Variants in WNT4 observed in about 807,000 individuals in gnomAD.
WNT4 encodes Wnt family member 4, also known as protein Wnt-4.
Under a neutral mutation model 34.5 loss-of-function variants are expected in WNT4, and 16 were observed. The ratio of observed to expected loss-of-function variants is 0.46; its 90% confidence interval spans 0.31 to 0.70. The LOEUF is 0.70. Among genes scored for constraint, WNT4 ranks in the 30% least tolerant of loss-of-function variants. The pLI, the probability that WNT4 is intolerant of heterozygous loss-of-function variation, is 0.04. For synonymous variants in WNT4, 200 were observed against 211.9 expected, an observed-to-expected ratio of 0.94 and a Z score of 0.49; for missense variants, 379 against 495.9, an observed-to-expected ratio of 0.76 and a Z score of 2.24.
At chr1:22,133,643 C>T (rs1645999795) in intron 1 of WNT4, among the ~76,000 whole-genome samples, 1 of 152,258 alleles carries the variant, frequency 6.6e-6, no homozygotes, top group East Asian at 1.9e-4. Context: ...CCACGGAGTA[C>T]AGGCTTAGCA....
intron 2 of WNT4, 137 bp from the exon 3 acceptor site, chr1:22,121,713 T>C (rs1163068231): frequency 2.2e-6 from 3 of 1,373,330 alleles, no homozygotes; most frequent in Non-Finnish European, 3.0e-6. Context: ...AATCATGTGC[T>C]AGGCACCCCA....
At chr1:22,130,970 A>G (rs987358130) in intron 1 of WNT4, among the ~76,000 whole-genome samples, 2 of 152,240 alleles carry the variant, frequency 1.3e-5, no homozygotes, top group African/African-American at 4.8e-5. Context: ...TCCTCTCAGA[A>G]AGCCAACCAG....
intron 1 of WNT4, among the ~76,000 whole-genome samples, chr1:22,138,982 G>A (rs1397432670): frequency 6.6e-6 from 1 of 152,216 alleles, no homozygotes; most frequent in African/African-American, 2.4e-5. Flanking sequence ...CCCAGGGCAC[G>A]GAAAGGTGCT....
chr1:22,133,722 C>G (rs1162606691), intron 1 of WNT4, among the ~76,000 whole-genome samples: 1 of 152,238 alleles, frequency 6.6e-6, no homozygotes, highest in Non-Finnish European at 1.5e-5. Context: ...GGTTACCCCA[C>G]CAGCCCAGAC....
intron 2 of WNT4, 21 bp downstream of exon 2, chr1:22,129,595 C>T: frequency 6.2e-7 from 1 of 1,607,506 alleles, no homozygotes; most frequent in Non-Finnish European, 8.5e-7. Flanking sequence ...TCCCCTGCAG[C>T]CCCGCACGCC....
rs975066550 is a variant in WNT4, at chr1:22,130,670, A to T, written c.78-819T>A. ...CTGCTCTTTGGGCCTCAGTTTCCTC[A>T]TCTGTAGTAAGAGAAGGGAACACCG... On this transcript the variant is annotated intron_variant, in intron 1 of 4. Transcript: ENST00000290167. Among the ~76,000 whole-genome samples the T allele has an allele frequency of 2.0e-5, 3 of 152,234 alleles. No individual in the cohort carries two copies. The South Asian group carries it at 6.2e-4, about 32-fold the overall frequency.
At chr1:22,128,536 G>A (rs181623267) in intron 2 of WNT4, among the ~76,000 whole-genome samples, 81 of 152,178 alleles carry the variant, frequency 5.3e-4, no homozygotes, top group Admixed American at 1.3e-3. Flanking sequence ...CTCAGCTGAG[G>A]ACCAATCTCC....
rs754091684 is a variant in WNT4, at chr1:22,121,555, A to ACGAAGGC, written c.328_334dup (p.Val112GlyfsTer30). On this transcript the variant is annotated frameshift_variant, in exon 3 of 5. Coordinates refer to ENST00000290167, the MANE Select transcript of WNT4 (RefSeq NM_030761.5). LOFTEE classifies it high-confidence loss of function. ...CACACCTGCCGAAGAGATGGCGTAC[A>ACGAAGGC]CGAAGGCCGCCTCCCGAGTCCCTGT... 1.2e-6 allele frequency: 2 copies of ACGAAGGC among 1,613,708 alleles called. No individual in the cohort carries two copies. Among genetic ancestry groups the ACGAAGGC allele is most frequent in the Non-Finnish European group, 1.7e-6 (2 of 1,180,016 alleles).
Position 22,119,972 on chromosome 1 carries a change from T to C in WNT4, c.*78A>G, listed in dbSNP as rs1645879927. Reference sequence around the variant, plus strand: ...AAAATACAACCAGTATCTCTTGGGGTAGGTGGTGGGAGACTGTTTAAATTA... The same window carrying C: ...AAAATACAACCAGTATCTCTTGGGGCAGGTGGTGGGAGACTGTTTAAATTA... On this transcript the variant is annotated 3_prime_UTR_variant, in exon 5 of 5. Transcript: ENST00000290167. 2.6e-6 allele frequency: 4 copies of C among 1,516,706 alleles called. No homozygotes were observed. The highest frequency in any genetic ancestry group is 3.5e-5 in the Admixed American group (2 of 57,296). 94.0% of individuals were successfully genotyped at this position (1,516,706 alleles called of 1,614,324 possible). A position where few individuals can be genotyped will look rare whatever the true frequency, so the allele number is the denominator to read the frequency against.
chr1:22,133,781 G>C (rs369379732), intron 1 of WNT4, among the ~76,000 whole-genome samples: 4 of 152,194 alleles, frequency 2.6e-5, no homozygotes, highest in African/African-American at 7.2e-5. Flanking sequence ...CTTCTCCAAC[G>C]GGGGCTGCAG....
At chr1:22,126,264 G>A (rs1481531371) in intron 2 of WNT4, among the ~76,000 whole-genome samples, 3 of 152,214 alleles carry the variant, frequency 2.0e-5, no homozygotes, top group Non-Finnish European at 4.4e-5. Context: ...CTGGGGCAGT[G>A]CTGGCAGTGG....
In WNT4 at chr1:22,129,625, C is replaced by T; in HGVS notation, c.304G>A (p.Val102Met). 18 of 1,613,388 alleles carry T rather than the reference C, an allele frequency of 1.1e-5. No homozygotes were observed. The highest frequency in any genetic ancestry group is 1.5e-5 in the Non-Finnish European group (18 of 1,179,924). The change falls in exon 2 of 5, where the codon GTG becomes ATG. Residue 102 changes from valine to methionine, a missense_variant. Val to Met is a conservative substitution (Grantham distance 21, BLOSUM62 1). This residue lies in a region of WNT4 where 313 missense variants were observed against 445.8 expected (regional missense o/e 0.70). Transcript: ENST00000290167. ...LDSLPVFGKV[V>M]TQGTREAAFV... ...CACGCCCTTCCCTCACCTTGCGTCA[C>T]CACCTTGCCGAAGACGGGCAAGGAG...
chr1:22,121,191 G>T lies in WNT4; in HGVS notation c.588+20C>A, dbSNP rs201027472. The T allele has an allele frequency of 5.0e-6, 8 of 1,610,698 alleles. No homozygotes were observed. The African/African-American group carries it at 9.3e-5, about 19-fold the overall frequency. On this transcript the variant is annotated intron_variant, in intron 4 of 4. Coordinates refer to ENST00000290167, the MANE Select transcript of WNT4 (RefSeq NM_030761.5). ...ATGCTATCCCTACCCCGCTCTTGGT[G>T]GGGGGTAGTGCCACACTACCTTCCT... is the stretch of plus-strand genomic sequence containing the variant.
chr1:22,134,942 C>T lies in WNT4; in HGVS notation c.78-5091G>A, dbSNP rs764779739. ...GCCTGAGAGGTGGGACACGCTCCCCCGGGGTACAGTGGATGACCTCAGCAG... is the reference window on the plus strand; with the variant it reads ...GCCTGAGAGGTGGGACACGCTCCCCTGGGGTACAGTGGATGACCTCAGCAG... On this transcript the variant is annotated intron_variant, in intron 1 of 4. Transcript: ENST00000290167. This position sits in a 1 kb window ranked among gnomAD's most constrained non-coding sequence, Gnocchi z 4.1. Among the ~76,000 whole-genome samples, 7 of 152,162 alleles carry T rather than the reference C, an allele frequency of 4.6e-5. No homozygotes were observed. Among genetic ancestry groups the T allele is most frequent in the East Asian group, 1.9e-4 (1 of 5,194 alleles).
rs1646080988 is a variant in WNT4, at chr1:22,142,758, C to CCCGCTGCCCCGCGCCGCCTGGCACCGG, written c.77+61_77+87dup. ...GAGACACCTGCCGGGCTGCCCCGCG[C>CCCGCTGCCCCGCGCCGCCTGGCACCGG]CCGCTGCCCCGCGCCGCCTGGCACC... On this transcript the variant is annotated intron_variant, in intron 1 of 4. Transcript: ENST00000290167. This position sits in a 1 kb window ranked among gnomAD's most constrained non-coding sequence, Gnocchi z 6.0. 2.7e-5 allele frequency: 24 copies of CCCGCTGCCCCGCGCCGCCTGGCACCGG among 903,120 alleles called. No individual in the cohort carries two copies. The highest frequency in any genetic ancestry group is 9.1e-5 in the African/African-American group (5 of 55,038). 55.9% of individuals were successfully genotyped at this position (903,120 alleles called of 1,614,324 possible).
At chr1:22,128,731 T>C (rs1266983859) in intron 2 of WNT4, among the ~76,000 whole-genome samples, 1 of 151,912 alleles carries the variant, frequency 6.6e-6, no homozygotes, top group African/African-American at 2.4e-5. Context: ...TTTTCTTTTT[T>C]TTTTTTGAGA....
At chr1:22,122,869 C>T (rs1425539408) in intron 2 of WNT4, among the ~76,000 whole-genome samples, 1 of 152,190 alleles carries the variant, frequency 6.6e-6, no homozygotes, top group Admixed American at 6.5e-5. Flanking sequence ...ACTCAGGACG[C>T]CCTGTTCTTG....
chr1:22,138,388 G>A (rs759446752), intron 1 of WNT4, among the ~76,000 whole-genome samples: 31 of 149,818 alleles, frequency 2.1e-4, no homozygotes, highest in Non-Finnish European at 4.6e-4. Context: ...ATTGATTCCT[G>A]GGGGAATGAT....
At position 22,140,127 on chromosome 1, in the gene WNT4, C is replaced by A; in HGVS notation, c.77+2719G>T. On this transcript the variant is annotated intron_variant, in intron 1 of 4. Transcript: ENST00000290167. The surrounding 1 kb of genome is among the most constrained non-coding windows in gnomAD (Gnocchi z 5.9). ...GGACTCCAGGGTATTGGGAGGCGAGCGGAACCTAGACCTTGCTCCTTGGCA... is the reference window on the plus strand; with the variant it reads ...GGACTCCAGGGTATTGGGAGGCGAGAGGAACCTAGACCTTGCTCCTTGGCA... 1.0e-6 allele frequency: 1 copy of A among 964,484 alleles called. No individual in the cohort carries two copies. The highest frequency in any genetic ancestry group is 4.8e-5 in the South Asian group (1 of 20,882). 59.7% of individuals were successfully genotyped at this position (964,484 alleles called of 1,614,324 possible).
Sources: allele counts gnomAD v4.1 joint callset (sites outside exome capture counted in the v4.1 genomes callset), GRCh38; gene constraint gnomAD v4.1.1; regional missense constraint gnomAD v4.1.1; non-coding constraint Gnocchi (gnomAD v3.1); transcripts MANE v1.5; gene names NCBI Gene and HGNC (gene_info 2026-07-23, HGNC 2026-07-21).